The following RABL3 variants were observed in gnomAD, a reference collection of about 807,000 sequenced individuals.
RABL3 encodes rab-like protein 3.
A neutral mutation model predicts 31.8 loss-of-function variants in RABL3; 31 were observed. That is an observed-to-expected ratio of 0.97 (90% CI 0.73 to 1.31). The LOEUF (loss-of-function observed/expected upper bound fraction) is 1.31, where lower values mean the gene tolerates loss of function less well. Among genes scored for constraint, RABL3 ranks in the 40% most tolerant of loss-of-function variants. The pLI, the probability that RABL3 is intolerant of heterozygous loss-of-function variation, is 0.00. For missense variants in RABL3, 263 were observed against 279.6 expected (o/e 0.94, Z 0.42); for synonymous variants, 97 against 99.9 (o/e 0.97, Z 0.18).
intron 5 of RABL3, among the ~76,000 whole-genome samples, chr3:120,696,256 T>C (rs1187458465): frequency 6.6e-6 from 1 of 152,210 alleles, no homozygotes; most frequent in Non-Finnish European, 1.5e-5. Flanking sequence ...TTTTCTACAG[T>C]TTTAAGGAAA....
intron 5 of RABL3, among the ~76,000 whole-genome samples, chr3:120,697,743 T>C (rs1335423604): frequency 6.6e-6 from 1 of 152,212 alleles, no homozygotes; most frequent in Non-Finnish European, 1.5e-5. Context: ...ATTTGTTACG[T>C]TGCCCTTTAA....
chr3:120,691,962 G>T (rs1358795614), intron 6 of RABL3, among the ~76,000 whole-genome samples: 1 of 152,112 alleles, frequency 6.6e-6, no homozygotes, highest in African/African-American at 2.4e-5. Flanking sequence ...ACTATAGCTG[G>T]ATTATTTTTA....
intron 4 of RABL3, among the ~76,000 whole-genome samples, chr3:120,704,154 A>G (rs1174928715): frequency 6.6e-6 from 1 of 152,246 alleles, no homozygotes; most frequent in Non-Finnish European, 1.5e-5. Flanking sequence ...AAAATCCTCA[A>G]CAAAATATTA....
rs530127571 is a variant in RABL3 at position 120,726,913 on chromosome 3, T to C, written c.138+3783A>G. ...AAAGATAATAAACATTGTCAAATGT[T>C]TGGAAATTGAGAAGCATATTCTACA... On this transcript the variant is annotated intron_variant, in intron 2 of 7. Transcript: ENST00000273375. 5.3e-5 allele frequency among the ~76,000 whole-genome samples: 8 copies of C among 152,104 alleles called. No individual in the cohort carries two copies. In the South Asian group the frequency reaches 1.7e-3, roughly 32 times the overall value.
chr3:120,712,326 T>C (rs745516039), intron 2 of RABL3, among the ~76,000 whole-genome samples: 6 of 152,168 alleles, frequency 3.9e-5, no homozygotes, highest in Non-Finnish European at 5.9e-5. Context: ...CATATTACAA[T>C]AGAAGGCATC....
At chr3:120,691,422 C>T (rs1708378811) in intron 6 of RABL3, among the ~76,000 whole-genome samples, 2 of 152,012 alleles carry the variant, frequency 1.3e-5, no homozygotes, top group Admixed American at 1.3e-4. Flanking sequence ...TTTGAGTGCC[C>T]ATACAATGGG....
chr3:120,690,861 A>T (rs1431762159), intron 6 of RABL3, among the ~76,000 whole-genome samples: 1 of 152,168 alleles, frequency 6.6e-6, no homozygotes, highest in Non-Finnish European at 1.5e-5. Flanking sequence ...TAAAAAAAGC[A>T]CTTGCCTGCT....
intron 2 of RABL3, among the ~76,000 whole-genome samples, chr3:120,729,411 T>C (rs1708857673): frequency 6.6e-6 from 1 of 152,102 alleles, no homozygotes; most frequent in African/African-American, 2.4e-5. Context: ...GATGTGATCA[T>C]CTTAAAGAAT....
chr3:120,698,288 C>T (rs1367151732), intron 5 of RABL3, 135 bp downstream of exon 5: 2 of 810,910 alleles, frequency 2.5e-6, no homozygotes, highest in Non-Finnish European at 3.9e-6. Flanking sequence ...CCAATCTTGA[C>T]TACGTTTAGA....
chr3:120,686,519 C>A lies in RABL3; in HGVS notation c.*3304G>T, dbSNP rs1303779375. Among the ~76,000 whole-genome samples, 1 of 152,172 alleles carries A rather than the reference C, an allele frequency of 6.6e-6. No individual in the cohort carries two copies. Among genetic ancestry groups the A allele is most frequent in the East Asian group, 1.9e-4 (1 of 5,188 alleles). ...AAGTGTCAGGGCACCTGGATTATAT[C>A]ATGAATGCCTCAAGTTTGAGGAATT... On this transcript the variant is annotated 3_prime_UTR_variant, in exon 8 of 8. Coordinates refer to ENST00000273375, the MANE Select transcript of RABL3 (RefSeq NM_173825.5).
At chr3:120,716,832 T>C (rs1708675975) in intron 2 of RABL3, among the ~76,000 whole-genome samples, 2 of 152,228 alleles carry the variant, frequency 1.3e-5, no homozygotes, top group Non-Finnish European at 2.9e-5. Context: ...ATTCTTTCTA[T>C]AGAAAAGAAC....
intron 2 of RABL3, among the ~76,000 whole-genome samples, chr3:120,726,661 T>G (rs967953876): frequency 5.9e-5 from 9 of 151,992 alleles, no homozygotes; most frequent in African/African-American, 2.2e-4. Context: ...GGAGAATCGC[T>G]TGAACCCGGG....
At chr3:120,742,656 G>T, upstream of RABL3, 1 of 768,644 alleles carries the variant, frequency 1.3e-6, no homozygotes, top group Non-Finnish European at 2.2e-6. Context: ...GGCTGGTCTG[G>T]TAAAAGGTAG....
Position 120,718,161 on chromosome 3 carries a change from T to C in RABL3, c.139-8252A>G, listed in dbSNP as rs538645391. ...ACTCCATGGTTACAAAATTCCATTATACCCTATCCTCAATCTCATTCTATT... is the reference window on the plus strand; with the variant it reads ...ACTCCATGGTTACAAAATTCCATTACACCCTATCCTCAATCTCATTCTATT... On this transcript the variant is annotated intron_variant, in intron 2 of 7. Coordinates refer to ENST00000273375, the MANE Select transcript of RABL3 (RefSeq NM_173825.5). Among the ~76,000 whole-genome samples, 116 of 152,314 alleles carry C rather than the reference T, an allele frequency of 7.6e-4. 1 individual carries two copies. Among genetic ancestry groups the C allele is most frequent in the African/African-American group, 2.7e-3 (112 of 41,574 alleles).
intron 1 of RABL3, among the ~76,000 whole-genome samples, chr3:120,731,894 A>G (rs561855918): frequency 6.6e-6 from 1 of 152,226 alleles, no homozygotes; most frequent in South Asian, 2.1e-4. Context: ...TCTACAAAAA[A>G]TAAATTTTAA....
Position 120,685,302 on chromosome 3 carries a change from G to T in RABL3, c.*4521C>A, listed in dbSNP as rs1211889684. The stretch of plus-strand genomic sequence containing the variant: ...GACAGATGTCTCCGAGAAAAAGATG[G>T]AACGGAGAGATTACCTGATATACTT... On this transcript the variant is annotated 3_prime_UTR_variant, in exon 8 of 8. Coordinates refer to ENST00000273375, the MANE Select transcript of RABL3 (RefSeq NM_173825.5). Among the ~76,000 whole-genome samples, 2 of 152,198 alleles carry T rather than the reference G, an allele frequency of 1.3e-5. No individual in the cohort carries two copies. The highest frequency in any genetic ancestry group is 4.8e-5 in the African/African-American group (2 of 41,450).
At chr3:120,721,198 A>C (rs1708735747) in intron 2 of RABL3, among the ~76,000 whole-genome samples, 1 of 152,228 alleles carries the variant, frequency 6.6e-6, no homozygotes, top group Non-Finnish European at 1.5e-5. Flanking sequence ...CTAAATATGG[A>C]AAGGAACAAC....
At chr3:120,721,379 GAC>G (rs1209894198) in intron 2 of RABL3, among the ~76,000 whole-genome samples, 1 of 152,130 alleles carries the variant, frequency 6.6e-6, no homozygotes, top group Non-Finnish European at 1.5e-5. Context: ...CCAATTAAAA[GAC>G]ACAGACTGGC....
At chr3:120,690,738 A>G (rs1009649048) in intron 6 of RABL3, among the ~76,000 whole-genome samples, 20 of 152,220 alleles carry the variant, frequency 1.3e-4, no homozygotes, top group Admixed American at 3.9e-4. Context: ...AACAAAAACT[A>G]AATAATGATA....
Sources: allele counts gnomAD v4.1 joint callset (sites outside exome capture counted in the v4.1 genomes callset), GRCh38; gene constraint gnomAD v4.1.1; transcripts MANE v1.5; gene names NCBI Gene and HGNC (gene_info 2026-07-23, HGNC 2026-07-21).